The following ASIC2 variants were observed in gnomAD, a reference collection of about 807,000 sequenced individuals.
ASIC2 encodes acid sensing ion channel subunit 2.
ASIC2 carries 25 observed loss-of-function variants against 57.3 expected under a neutral mutation model. The ratio of observed to expected loss-of-function variants is 0.44; its 90% CI spans 0.32 to 0.61. The LOEUF (loss-of-function observed/expected upper bound fraction) is 0.61. ASIC2 is among the 20% of genes least tolerant of loss of function. The probability of loss-of-function intolerance (pLI) is 0.06; values close to 1 mark genes in which losing one functional copy is unlikely to be tolerated. For synonymous variants in ASIC2, 319 were observed against 307.5 expected, an observed-to-expected ratio of 1.04 and a Z score of -0.39; for missense variants, 641 against 738.1, an observed-to-expected ratio of 0.87 and a Z score of 1.52.
At chr17:33,756,657 G>A (rs987724092) in intron 1 of ASIC2, among the ~76,000 whole-genome samples, 1 of 152,204 alleles carries the variant, frequency 6.6e-6, no homozygotes, top group East Asian at 1.9e-4. Flanking sequence ...GCCCCTGCCA[G>A]CAGAGACTCT....
At chr17:33,245,732 G>T (rs1430263023) in intron 1 of ASIC2, among the ~76,000 whole-genome samples, 1 of 152,144 alleles carries the variant, frequency 6.6e-6, no homozygotes, top group Non-Finnish European at 1.5e-5. Flanking sequence ...CAAAGAGCCT[G>T]GTGGGCTCCT....
intron 1 of ASIC2, among the ~76,000 whole-genome samples, chr17:33,531,309 G>A (rs1915043683): frequency 6.6e-6 from 1 of 152,124 alleles, no homozygotes; most frequent in South Asian, 2.1e-4. Flanking sequence ...GCAGGGGGCA[G>A]GGGGCAGTGG....
At chr17:33,030,008 T>C (rs916746517) in intron 3 of ASIC2, among the ~76,000 whole-genome samples, 1 of 152,234 alleles carries the variant, frequency 6.6e-6, no homozygotes, top group Non-Finnish European at 1.5e-5. Flanking sequence ...TGTTCATATA[T>C]TCTGGATTCA....
intron 1 of ASIC2, among the ~76,000 whole-genome samples, chr17:33,475,725 G>A (rs1913198194): frequency 2.0e-5 from 3 of 152,100 alleles, no homozygotes; most frequent in Admixed American, 6.5e-5. Context: ...GTGGCTGCTC[G>A]CATCCCTGTA....
intron 1 of ASIC2, among the ~76,000 whole-genome samples, chr17:33,739,197 G>A (rs536446121): frequency 5.3e-5 from 8 of 152,346 alleles, no homozygotes; most frequent in African/African-American, 1.9e-4. Flanking sequence ...TGAATAAATA[G>A]AGATTGAAAT....
intron 1 of ASIC2, among the ~76,000 whole-genome samples, chr17:33,255,089 G>GA (rs1909017681): frequency 7.1e-6 from 1 of 141,486 alleles, no homozygotes; most frequent in Non-Finnish European, 1.5e-5. Flanking sequence ...GCCCAGGCTG[G>GA]AGTGCAGTGG....
intron 1 of ASIC2, among the ~76,000 whole-genome samples, chr17:33,457,260 T>A (rs1303184689): frequency 6.8e-6 from 1 of 146,888 alleles, no homozygotes; most frequent in Non-Finnish European, 1.5e-5. Flanking sequence ...TTTTTTTTTT[T>A]ACAAAAGATG....
At chr17:33,191,590 G>A (rs551513128) in intron 1 of ASIC2, among the ~76,000 whole-genome samples, 3 of 151,814 alleles carry the variant, frequency 2.0e-5, no homozygotes, top group African/African-American at 4.8e-5. Context: ...GGAGGAGGAC[G>A]AAGAGGAGAA....
chr17:34,013,117 G>A (rs558707580), intron 1 of ASIC2, among the ~76,000 whole-genome samples: 1 of 152,330 alleles, frequency 6.6e-6, no homozygotes, highest in Admixed American at 6.5e-5. Flanking sequence ...GGAATCAGAT[G>A]TGCCTGGGAG....
intron 1 of ASIC2, among the ~76,000 whole-genome samples, chr17:34,105,097 T>A (rs1910996394): frequency 6.6e-6 from 1 of 152,116 alleles, no homozygotes; most frequent in Admixed American, 6.5e-5. Context: ...ATGTTTTGAT[T>A]TAAAAATTCA....
chr17:33,534,861 T>C (rs1207372678), intron 1 of ASIC2, among the ~76,000 whole-genome samples: 1 of 152,210 alleles, frequency 6.6e-6, no homozygotes, highest in Non-Finnish European at 1.5e-5. Context: ...GAAGTGCACA[T>C]TGATGTGAGG....
chr17:33,445,658 G>A lies in ASIC2; in HGVS notation c.556-333591C>T, dbSNP rs148581915. Among the ~76,000 whole-genome samples, 726 of 151,998 alleles carry A rather than the reference G, an allele frequency of 4.8e-3. 4 individuals carry two copies. Among genetic ancestry groups the A allele is most frequent in the African/African-American group, 0.017 (698 of 41,472 alleles). On this transcript the variant is annotated intron_variant, in intron 1 of 9. Coordinates refer to the ASIC2 transcript ENST00000359872. ...ACTAAAAATACAAAATTAGCTGGGC[G>A]TGGCGGCTCATGCCTGTAATCCCAG... is the stretch of plus-strand genomic sequence containing the variant.
intron 1 of ASIC2, among the ~76,000 whole-genome samples, chr17:33,913,092 C>T (rs911983627): frequency 1.9e-5 from 2 of 107,120 alleles, no homozygotes; most frequent in African/African-American, 5.5e-5. Flanking sequence ...AAATCCCCCT[C>T]CCCCCCGCCA....
intron 1 of ASIC2, among the ~76,000 whole-genome samples, chr17:33,704,588 T>C (rs142352534): frequency 6.6e-6 from 1 of 152,242 alleles, no homozygotes; most frequent in Non-Finnish European, 1.5e-5. Flanking sequence ...GTGTCTCTTA[T>C]TTAAATTCTT....
At chr17:34,034,976 T>A (rs897192524) in intron 1 of ASIC2, among the ~76,000 whole-genome samples, 3 of 151,956 alleles carry the variant, frequency 2.0e-5, no homozygotes, top group Admixed American at 6.5e-5. Context: ...CCCATCAAGC[T>A]ACCAATGACT....
At chr17:34,040,037 G>A (rs1341184986) in intron 1 of ASIC2, among the ~76,000 whole-genome samples, 2 of 149,764 alleles carry the variant, frequency 1.3e-5, no homozygotes, top group African/African-American at 2.5e-5. Flanking sequence ...CGCCGGCGCC[G>A]GGCTCCACGA....
At chr17:33,482,463 G>A (rs1913437313) in intron 1 of ASIC2, among the ~76,000 whole-genome samples, 1 of 152,220 alleles carries the variant, frequency 6.6e-6, no homozygotes, top group Admixed American at 6.5e-5. Flanking sequence ...GACTGGATTT[G>A]CATCCCCTAT....
chr17:33,768,191 A>AT (rs139629435), intron 1 of ASIC2, among the ~76,000 whole-genome samples: 12,132 of 151,358 alleles, frequency 0.08, 1,581 homozygotes, highest in African/African-American at 0.27. Context: ...TTGTGTTTTT[A>AT]TTTTTTTTAT....
At chr17:33,245,439 A>G (rs1908655721) in intron 1 of ASIC2, among the ~76,000 whole-genome samples, 1 of 152,150 alleles carries the variant, frequency 6.6e-6, no homozygotes, top group South Asian at 2.1e-4. Context: ...GCATCCACTG[A>G]GCCCCGGGCA....
Sources: allele counts gnomAD v4.1 joint callset (sites outside exome capture counted in the v4.1 genomes callset), GRCh38; gene constraint gnomAD v4.1.1; transcripts MANE v1.5; gene names NCBI Gene and HGNC (gene_info 2026-07-23, HGNC 2026-07-21).